Variants in LAMC3 observed in about 807,000 individuals in gnomAD.
LAMC3 encodes the protein laminin subunit gamma 3, also known as laminin subunit gamma-3.
Under a neutral mutation model 173.8 loss-of-function variants are expected in LAMC3, and 128 were observed. The ratio of observed to expected loss-of-function variants is 0.74; its 90% CI spans 0.64 to 0.85. The LOEUF (loss-of-function observed/expected upper bound fraction) is 0.85, where lower values mean the gene tolerates loss of function less well. LAMC3 is among the 40% of genes least tolerant of loss of function. LAMC3 has a pLI of 0.00. For synonymous variants in LAMC3, 897 were observed against 909.1 expected, an observed-to-expected ratio of 0.99 and a Z score of 0.24; for missense variants, 2,022 against 2,156.0, an observed-to-expected ratio of 0.94 and a Z score of 1.23.
intron 1 of LAMC3, among the ~76,000 whole-genome samples, chr9:131,025,443 C>G (rs1833698622): frequency 6.6e-6 from 1 of 152,104 alleles, no homozygotes; most frequent in Non-Finnish European, 1.5e-5. Context: ...CTAAAGCCTG[C>G]AGATCCTCCA....
At chr9:131,078,744 C>G (rs910425706) in intron 22 of LAMC3, among the ~76,000 whole-genome samples, 1 of 152,224 alleles carries the variant, frequency 6.6e-6, no homozygotes, top group African/African-American at 2.4e-5. Flanking sequence ...ATCCAGCCCC[C>G]AGATCTCAGT....
chr9:131,019,224 T>A (rs189718405), intron 1 of LAMC3, among the ~76,000 whole-genome samples: 1 of 152,260 alleles, frequency 6.6e-6, no homozygotes, highest in East Asian at 1.9e-4. Flanking sequence ...ATCACGCCAC[T>A]GCACTCCAGC....
chr9:131,012,062 TAC>T (rs33965311), intron 1 of LAMC3, among the ~76,000 whole-genome samples: 6,966 of 138,178 alleles, frequency 0.05, 315 homozygotes, highest in African/African-American at 0.13. Flanking sequence ...CACACACACA[TAC>T]ACACACACAC....
chr9:131,031,610 G>T, intron 2 of LAMC3, among the ~76,000 whole-genome samples: 1 of 152,206 alleles, frequency 6.6e-6, no homozygotes, highest in East Asian at 1.9e-4. Context: ...GGAATGAGGT[G>T]CAGGAGCTGC....
At chr9:131,034,581 C>G (rs1391814024) in intron 3 of LAMC3, among the ~76,000 whole-genome samples, 1 of 152,216 alleles carries the variant, frequency 6.6e-6, no homozygotes, top group African/African-American at 2.4e-5. Flanking sequence ...GGCTTCAGCT[C>G]CAGCTCAGCC....
intron 11 of LAMC3, among the ~76,000 whole-genome samples, chr9:131,054,241 C>G (rs983551852): frequency 1.3e-5 from 2 of 152,024 alleles, no homozygotes; most frequent in Non-Finnish European, 1.5e-5. Context: ...AGATTTTGCT[C>G]TTTTTGAGGA....
Position 131,038,071 on chromosome 9 carries a change from G to C in LAMC3, c.977-793G>C, listed in dbSNP as rs551303329. Among the ~76,000 whole-genome samples, 16 of 152,220 alleles carry C rather than the reference G, an allele frequency of 1.1e-4. No individual in the cohort carries two copies. In the South Asian group the frequency reaches 1.2e-3, roughly 12 times the overall value. On this transcript the variant is annotated intron_variant, in intron 4 of 27. Coordinates refer to ENST00000361069, the MANE Select transcript of LAMC3 (RefSeq NM_006059.4). ...TGTCTCTGCATGTGGGGTATCCCCT[G>C]GGCTTTCGCCTCCTGTCTGCGACGC...
intron 14 of LAMC3, 34 bp downstream of exon 14, chr9:131,067,239 A>G (rs768325973): frequency 1.2e-6 from 2 of 1,609,870 alleles, no homozygotes; most frequent in Non-Finnish European, 8.5e-7. Context: ...AGGGTGGCAC[A>G]TGGTGGGCCC....
Position 131,087,825 on chromosome 9 carries a change from G to A in LAMC3, c.4477+8G>A, listed in dbSNP as rs764125045. On this transcript the variant is annotated splice_region_variant and intron_variant, in intron 27 of 27. Transcript: ENST00000361069. ...AGCTGCTTGCCAGGCTGGGTAAGGAGGCCCTAAGGCTGGGCCCTGAACCCC... is the reference window on the plus strand; with the variant it reads ...AGCTGCTTGCCAGGCTGGGTAAGGAAGCCCTAAGGCTGGGCCCTGAACCCC... 5 of 1,612,824 alleles carry A rather than the reference G, an allele frequency of 3.1e-6. No homozygotes were observed. In the Admixed American group the frequency reaches 5.0e-5, roughly 16 times the overall value.
At chr9:131,091,421 G>C (rs1830422279) in intron 27 of LAMC3, 116 bp from the exon 28 acceptor site, 34 of 1,363,508 alleles carry the variant, frequency 2.5e-5, no homozygotes, top group Non-Finnish European at 3.3e-5. Flanking sequence ...CCTGGTGGAT[G>C]GTGGGCCATT....
At chr9:131,046,243 A>C (rs59944649) in intron 8 of LAMC3, among the ~76,000 whole-genome samples, 5,384 of 131,574 alleles carry the variant, frequency 0.041, 325 homozygotes, top group African/African-American at 0.15. Flanking sequence ...CCAAGGCTGA[A>C]GTGCAGTGGT....
chr9:131,046,374 T>C (rs1834159366), intron 8 of LAMC3, among the ~76,000 whole-genome samples: 2 of 151,206 alleles, frequency 1.3e-5, no homozygotes. Flanking sequence ...GGCTAATTTT[T>C]ATATTTTTTT....
intron 1 of LAMC3, among the ~76,000 whole-genome samples, chr9:131,013,196 A>G (rs1388701558): frequency 1.3e-5 from 2 of 152,202 alleles, no homozygotes; most frequent in Non-Finnish European, 2.9e-5. Context: ...GCACAACTCA[A>G]TAAATGGTGG....
intron 19 of LAMC3, 24 bp downstream of exon 19, chr9:131,072,859 C>G: frequency 4.4e-6 from 7 of 1,595,870 alleles, no homozygotes; most frequent in African/African-American, 1.3e-5. Flanking sequence ...CCCCCCTACC[C>G]GAACACACCA....
chr9:131,030,931 C>T (rs116096102), intron 2 of LAMC3, among the ~76,000 whole-genome samples: 3 of 152,254 alleles, frequency 2.0e-5, no homozygotes, highest in African/African-American at 4.8e-5. Context: ...CCTGAATGCA[C>T]GCTGAGCTTT....
At chr9:131,089,021 G>A (rs1830376762) in intron 27 of LAMC3, among the ~76,000 whole-genome samples, 1 of 152,000 alleles carries the variant, frequency 6.6e-6, no homozygotes, top group South Asian at 2.1e-4. Flanking sequence ...GGAGGCGGAG[G>A]TTGCAGTGAG....
In LAMC3 at chr9:131,038,882, G is replaced by A. The variant is rs149861552; in HGVS notation, c.995G>A (p.Arg332His). The change falls in exon 5 of 28, where the codon CGC becomes CAC. Residue 332 changes from arginine (R) to histidine (H), a missense_variant. Arg to His is a conservative substitution (Grantham distance 29). Transcript: ENST00000361069. ...HECLPCNCSG[R>H]SEECTFDREL... ...CCCATAGCCTGCAACTGCAGTGGCC[G>A]CTCCGAGGAATGCACGTTTGATCGG... 347 of 1,612,996 alleles carry A rather than the reference G, an allele frequency of 2.2e-4. No homozygotes were observed. Among genetic ancestry groups the A allele is most frequent in the African/African-American group, 5.9e-4 (44 of 75,020 alleles).
At chr9:131,045,500 G>T in intron 7 of LAMC3, 24 bp from the exon 8 acceptor site, 1 of 1,612,844 alleles carries the variant, frequency 6.2e-7, no homozygotes. Flanking sequence ...TGGCCCTCGT[G>T]GGCATGTCCT....
chr9:131,070,004 G>A (rs1309702555), intron 17 of LAMC3, among the ~76,000 whole-genome samples, 154 bp downstream of exon 17: 1 of 152,190 alleles, frequency 6.6e-6, no homozygotes, highest in East Asian at 1.9e-4. Context: ...CCCAGCTTCA[G>A]GCCTGTTCCA....
Sources: gnomAD v4.1 joint callset for allele counts (sites outside exome capture counted in the v4.1 genomes callset) on GRCh38, gnomAD v4.1.1 for gene constraint, MANE v1.5 for transcripts, NCBI Gene and HGNC (gene_info 2026-07-23, HGNC 2026-07-21) for gene names.